Variants in EXOC4 observed in about 807,000 individuals in gnomAD.
EXOC4 encodes SEC8-like 1.
In EXOC4, 71 loss-of-function variants were observed where a neutral mutation model predicts 107.2. The ratio of observed to expected loss-of-function variants is 0.66; its 90% CI spans 0.55 to 0.81. The LOEUF (loss-of-function observed/expected upper bound fraction) is 0.81. EXOC4 is among the 30% of genes least tolerant of loss of function. The pLI is 0.00. For synonymous variants in EXOC4, 456 were observed against 441.2 expected, an observed-to-expected ratio of 1.03 and a Z score of -0.42; for missense variants, 1,108 against 1,189.6, an observed-to-expected ratio of 0.93 and a Z score of 1.01.
intron 17 of EXOC4, among the ~76,000 whole-genome samples, chr7:134,023,815 C>T (rs1263421267): frequency 6.6e-6 from 1 of 152,090 alleles, no homozygotes; most frequent in Non-Finnish European, 1.5e-5. Context: ...TTTATCTTCC[C>T]AGAGAGGAAC....
At chr7:134,050,941 A>G (rs1405010634) in intron 17 of EXOC4, among the ~76,000 whole-genome samples, 1 of 152,170 alleles carries the variant, frequency 6.6e-6, no homozygotes, top group East Asian at 1.9e-4. Context: ...TAACAATCCA[A>G]TGAGAAGAGT....
intron 9 of EXOC4, among the ~76,000 whole-genome samples, chr7:133,540,153 C>T (rs1800351095): frequency 6.6e-6 from 1 of 152,104 alleles, no homozygotes; most frequent in South Asian, 2.1e-4. Context: ...ATTGCCATTA[C>T]TTGTTATCAT....
chr7:133,730,927 A>G (rs1795313378), intron 10 of EXOC4, among the ~76,000 whole-genome samples: 2 of 152,266 alleles, frequency 1.3e-5, no homozygotes, highest in Admixed American at 1.3e-4. Flanking sequence ...CCTCTATTAG[A>G]TCTCATTTGA....
intron 1 of EXOC4, among the ~76,000 whole-genome samples, chr7:133,255,321 C>T (rs913729789): frequency 1.1e-4 from 17 of 152,138 alleles, no homozygotes; most frequent in Admixed American, 3.9e-4. Context: ...GGATTATAGG[C>T]GTGCGCCACC....
At chr7:134,002,691 G>A (rs780125470) in intron 15 of EXOC4, among the ~76,000 whole-genome samples, 7 of 152,042 alleles carry the variant, frequency 4.6e-5, no homozygotes, top group Non-Finnish European at 5.9e-5. Context: ...AGATATACAC[G>A]CAGAAAATAA....
At chr7:133,895,413 T>C (rs1411585072) in intron 11 of EXOC4, among the ~76,000 whole-genome samples, 186 bp from the exon 12 acceptor site, 1 of 152,186 alleles carries the variant, frequency 6.6e-6, no homozygotes, top group African/African-American at 2.4e-5. Context: ...CTGGGAGCTG[T>C]AGACCAGAGC....
At position 133,620,013 on chromosome 7, in the gene EXOC4, T is replaced by TGG. The variant is rs1802289522; in HGVS notation, c.1418-10032_1418-10031insGG. Among the ~76,000 whole-genome samples, 4 of 143,628 alleles carry TGG rather than the reference T, an allele frequency of 2.8e-5. No homozygotes were observed. In the South Asian group the frequency reaches 8.6e-4, roughly 31 times the overall value. The allele number at this position is 143,628 out of a possible 152,430, so 94.2% of individuals were successfully genotyped here. On this transcript the variant is annotated intron_variant, in intron 9 of 17. Coordinates refer to ENST00000253861, the MANE Select transcript of EXOC4 (RefSeq NM_021807.4). ...GTGTGTGTGTGTGTGTGTGTGTTTGTTTTTTTTTGTTGTTGTTAGTTTGTT... is the reference window on the plus strand; with the variant it reads ...GTGTGTGTGTGTGTGTGTGTGTTTGTGGTTTTTTTTGTTGTTGTTAGTTTGTT...
At chr7:133,578,638 T>G (rs1446263460) in intron 9 of EXOC4, among the ~76,000 whole-genome samples, 2 of 152,204 alleles carry the variant, frequency 1.3e-5, no homozygotes, top group African/African-American at 4.8e-5. Flanking sequence ...ATAAATGTAT[T>G]TATGCTTGAG....
intron 14 of EXOC4, among the ~76,000 whole-genome samples, chr7:133,939,974 A>C (rs972277100): frequency 5.9e-5 from 9 of 152,226 alleles, no homozygotes; most frequent in African/African-American, 2.2e-4. Flanking sequence ...CAGCTCTAAA[A>C]AAGGGGCCAC....
chr7:133,269,187 T>C (rs1489026182), intron 1 of EXOC4, among the ~76,000 whole-genome samples: 1 of 152,190 alleles, frequency 6.6e-6, no homozygotes, highest in African/African-American at 2.4e-5. Flanking sequence ...TGCTTGGTGC[T>C]CTCTTTCCAT....
At chr7:133,617,352 A>G (rs987406170) in intron 9 of EXOC4, among the ~76,000 whole-genome samples, 6 of 152,314 alleles carry the variant, frequency 3.9e-5, no homozygotes, top group Admixed American at 3.9e-4. Context: ...GGGTTGCGTG[A>G]AGACTTCTCT....
intron 17 of EXOC4, among the ~76,000 whole-genome samples, chr7:134,040,471 CCT>C (rs1159968333): frequency 6.6e-6 from 1 of 152,172 alleles, no homozygotes; most frequent in African/African-American, 2.4e-5. Flanking sequence ...TCCCACCCCT[CCT>C]CTGGAATAAT....
intron 10 of EXOC4, among the ~76,000 whole-genome samples, chr7:133,801,013 A>T (rs964973888): frequency 2.6e-5 from 4 of 152,344 alleles, no homozygotes; most frequent in Admixed American, 2.6e-4. Context: ...TCTGCTCAGA[A>T]CCATCTTTGG....
chr7:133,995,995 CTT>C (rs1475785172), intron 14 of EXOC4, among the ~76,000 whole-genome samples: 4 of 152,058 alleles, frequency 2.6e-5, no homozygotes, highest in Non-Finnish European at 2.9e-5. Context: ...CCAAAGGACT[CTT>C]TGAAAAAGAG....
intron 7 of EXOC4, among the ~76,000 whole-genome samples, chr7:133,386,619 A>G (rs141591882): frequency 1.3e-5 from 2 of 152,336 alleles, no homozygotes; most frequent in East Asian, 3.9e-4. Flanking sequence ...TATTACTGAT[A>G]CGTGTACCAT....
At chr7:134,037,623 A>G (rs889248164) in intron 17 of EXOC4, among the ~76,000 whole-genome samples, 6 of 152,100 alleles carry the variant, frequency 3.9e-5, no homozygotes, top group African/African-American at 1.2e-4. Flanking sequence ...GGCTTTATAA[A>G]CATGAACGTG....
At chr7:133,803,699 T>C (rs892811093) in intron 10 of EXOC4, among the ~76,000 whole-genome samples, 4 of 152,212 alleles carry the variant, frequency 2.6e-5, no homozygotes, top group African/African-American at 9.6e-5. Context: ...TATTATCCTG[T>C]GTACAAATGT....
Position 133,652,438 on chromosome 7 carries a change from AT to A in EXOC4, c.1514+22308del, listed in dbSNP as rs774513966. 5.8e-4 allele frequency among the ~76,000 whole-genome samples: 85 copies of A among 146,036 alleles called. 2 individuals carry two copies. The East Asian group carries it at 0.014, about 25-fold the overall frequency. ...TGCTTTATTTACTAAACACAGCAAT[AT>A]TTTTTTTTTTAAAAAAAACAACCAA... On this transcript the variant is annotated intron_variant, in intron 10 of 17. Coordinates refer to ENST00000253861, the MANE Select transcript of EXOC4 (RefSeq NM_021807.4).
At chr7:133,606,192 A>G (rs567928580) in intron 9 of EXOC4, among the ~76,000 whole-genome samples, 1 of 152,076 alleles carries the variant, frequency 6.6e-6, no homozygotes. Context: ...CTAATCCCCT[A>G]CAAGTCTTCT....
Sources: allele counts gnomAD v4.1 joint callset (sites outside exome capture counted in the v4.1 genomes callset), GRCh38; gene constraint gnomAD v4.1.1; transcripts MANE v1.5; gene names NCBI Gene and HGNC (gene_info 2026-07-23, HGNC 2026-07-21).